ARHGAP20: variants seen among roughly 807,000 people sequenced by gnomAD.
ARHGAP20 encodes the protein Rho GTPase activating protein 20.
In ARHGAP20, 34 loss-of-function variants were observed where a neutral mutation model predicts 73.7. The ratio of observed to expected loss-of-function variants is 0.46; its 90% CI spans 0.35 to 0.61. The LOEUF is 0.61. Among genes scored for constraint, ARHGAP20 ranks in the 20% least tolerant of loss-of-function variants. The pLI is 0.00. For missense variants in ARHGAP20, 1,314 were observed against 1,420.9 expected (o/e 0.92, Z 1.21); for synonymous variants, 523 against 518.2 (o/e 1.01, Z -0.13).
chr11:110,688,448 T>C (rs1950179548), intron 2 of ARHGAP20, among the ~76,000 whole-genome samples: 1 of 152,140 alleles, frequency 6.6e-6, no homozygotes, highest in South Asian at 2.1e-4. Flanking sequence ...CTTAGTACAC[T>C]TCATACTCAC....
At chr11:110,589,397 T>A in intron 11 of ARHGAP20, 1 of 984,752 alleles carries the variant, frequency 1.0e-6, no homozygotes, top group Non-Finnish European at 1.2e-6. Context: ...GTATATAAAG[T>A]CATGAAGTAA....
chr11:110,590,619 G>A (rs776029510), intron 11 of ARHGAP20, 29 bp downstream of exon 11: 2 of 1,598,156 alleles, frequency 1.3e-6, no homozygotes, highest in African/African-American at 2.7e-5. Flanking sequence ...GCTACACCAT[G>A]GGGTGGATAA....
chr11:110,593,551 T>TTACAGCTTTTAG (rs1409900288), intron 9 of ARHGAP20, among the ~76,000 whole-genome samples: 5 of 152,182 alleles, frequency 3.3e-5, no homozygotes, highest in Non-Finnish European at 7.3e-5. Context: ...TGGGTGAGTT[T>TTACAGCTTTTAG]TCTAATCTTA....
rs376005160 is a variant in ARHGAP20, at chr11:110,614,641, T to G, written c.550A>C (p.Ile184Leu). The stretch of plus-strand genomic sequence containing the variant: ...TAGTCCTTTTCTTTCTCTAGATTGA[T>G]GTATCTAATCAAATGCAACAGCAAC... ...DKWLSLLQRY[I>L]NLEKEKDYPK... The change falls in exon 6 of 15, where the codon ATC (isoleucine) becomes CTC (leucine). Residue 184 changes from isoleucine (I) to leucine (L), a missense_variant. By Grantham distance (5) the Ile-to-Leu change is conservative. Transcript: ENST00000683387. 13 of 1,609,170 alleles carry G rather than the reference T, an allele frequency of 8.1e-6. No individual in the cohort carries two copies. Among genetic ancestry groups the G allele is most frequent in the Non-Finnish European group, 1.1e-5 (13 of 1,177,892 alleles).
At chr11:110,653,190 A>G (rs899620352) in intron 2 of ARHGAP20, among the ~76,000 whole-genome samples, 4 of 152,238 alleles carry the variant, frequency 2.6e-5, no homozygotes, top group Non-Finnish European at 5.9e-5. Flanking sequence ...AAATGTCAAA[A>G]GCAATTGCAA....
In ARHGAP20 at chr11:110,580,248, T is replaced by A. The variant is rs760436893; in HGVS notation, c.2698A>T (p.Asn900Tyr). ...TCAATCCCCATGACTAAACTCTGATTAATGAGCTTCTGCCCCTCCATTTGC... is the reference window on the plus strand; with the variant it reads ...TCAATCCCCATGACTAAACTCTGATAAATGAGCTTCTGCCCCTCCATTTGC... ...SLQMEGQKLI[N>Y]QSLVMGIEVG... Residue 900 changes from asparagine (N) to tyrosine (Y), a missense_variant, in exon 15 of 15, where the codon AAT becomes TAT. Physicochemically the swap from Asn to Tyr is moderately radical, Grantham distance 143 (BLOSUM62 -2). This residue lies in a region of ARHGAP20 where 641 missense variants were observed against 636.9 expected (regional missense o/e 1.01). Transcript: ENST00000683387. 6.2e-7 allele frequency: 1 copy of A among 1,614,238 alleles called. No homozygotes were observed. The highest frequency in any genetic ancestry group is 1.7e-5 in the Admixed American group (1 of 60,032).
At chr11:110,597,565 T>C (rs7943983) in intron 9 of ARHGAP20, among the ~76,000 whole-genome samples, 4,879 of 152,280 alleles carry the variant, frequency 0.032, 270 homozygotes, top group African/African-American at 0.11. Flanking sequence ...CCCAAAGTGC[T>C]GGGATTACAG....
At chr11:110,585,063 GTGAACATATATGAATACA>G (rs1947618199) in intron 12 of ARHGAP20, among the ~76,000 whole-genome samples, 3 of 149,530 alleles carry the variant, frequency 2.0e-5, no homozygotes, top group Admixed American at 1.3e-4. Context: ...ATGAATATAT[GTGAACATATATGAATACA>G]TGAATATATG....
chr11:110,682,733 T>A (rs977682984), intron 2 of ARHGAP20, among the ~76,000 whole-genome samples: 3 of 152,172 alleles, frequency 2.0e-5, no homozygotes, highest in African/African-American at 7.2e-5. Flanking sequence ...CATTATATAA[T>A]GGAAGGGAAG....
Position 110,706,825 on chromosome 11 carries a change from C to G in ARHGAP20, c.105+5302G>C, listed in dbSNP as rs552444851. On this transcript the variant is annotated intron_variant, in intron 1 of 14. Transcript: ENST00000683387. ...TTATTTTTATAATTCTAGGACCCTC[C>G]CTGCCAACACAATCTCACGTATCTG... Among the ~76,000 whole-genome samples, 19 of 152,204 alleles carry G rather than the reference C, an allele frequency of 1.2e-4. No homozygotes were observed. The East Asian group carries it at 3.7e-3, about 29-fold the overall frequency.
intron 11 of ARHGAP20, among the ~76,000 whole-genome samples, chr11:110,589,126 A>G (rs1947753462): frequency 6.6e-6 from 1 of 152,212 alleles, no homozygotes; most frequent in South Asian, 2.1e-4. Flanking sequence ...TAAGAGATAT[A>G]TATAAAAAAG....
Position 110,706,324 on chromosome 11 carries a change from G to A in ARHGAP20, c.105+5803C>T, listed in dbSNP as rs190148882. Among the ~76,000 whole-genome samples the A allele has an allele frequency of 7.0e-4, 107 of 152,104 alleles. 2 individuals carry two copies. Among genetic ancestry groups the A allele is most frequent in the Non-Finnish European group, 1.2e-3 (84 of 67,962 alleles). Reference sequence around the variant, plus strand: ...CTACACTGAAGCCTTGATATGGTTCGGTTCCTTCTTTAGGAAAAAATTAAC... The same window carrying A: ...CTACACTGAAGCCTTGATATGGTTCAGTTCCTTCTTTAGGAAAAAATTAAC... On this transcript the variant is annotated intron_variant, in intron 1 of 14. Coordinates refer to ENST00000683387, the MANE Select transcript of ARHGAP20 (RefSeq NM_001384657.1).
chr11:110,645,206 C>T (rs949198531), intron 2 of ARHGAP20, among the ~76,000 whole-genome samples: 2 of 152,020 alleles, frequency 1.3e-5, no homozygotes, highest in Non-Finnish European at 2.9e-5. Flanking sequence ...GACGGGGTTT[C>T]ACCATGTTGG....
intron 2 of ARHGAP20, among the ~76,000 whole-genome samples, chr11:110,660,309 G>A (rs1383644901): frequency 6.6e-6 from 1 of 152,118 alleles, no homozygotes; most frequent in African/African-American, 2.4e-5. Flanking sequence ...TCACAGAGTG[G>A]TGTACCTTCC....
At chr11:110,664,651 C>T (rs1949683793) in intron 2 of ARHGAP20, among the ~76,000 whole-genome samples, 1 of 150,284 alleles carries the variant, frequency 6.7e-6, no homozygotes, top group Non-Finnish European at 1.5e-5. Context: ...TGGCGTGAAC[C>T]CGGGAGGCGG....
chr11:110,610,155 A>T (rs1236138964), intron 7 of ARHGAP20, among the ~76,000 whole-genome samples: 1 of 152,144 alleles, frequency 6.6e-6, no homozygotes, highest in Non-Finnish European at 1.5e-5. Context: ...ATAGCTTAGA[A>T]ATTAATGGAG....
chr11:110,630,832 T>A (rs553580436), intron 2 of ARHGAP20, 40 bp from the exon 3 acceptor site: 2 of 1,579,322 alleles, frequency 1.3e-6, no homozygotes, highest in African/African-American at 1.4e-5. Context: ...CAAACGATCA[T>A]CTTATAGTTG....
intron 1 of ARHGAP20, among the ~76,000 whole-genome samples, chr11:110,700,182 T>C (rs556376502): frequency 1.4e-4 from 21 of 151,950 alleles, no homozygotes; most frequent in Non-Finnish European, 2.9e-4. Context: ...AGATTAAAGT[T>C]GGAGGTGAAC....
chr11:110,706,893 GAGT>G (rs1950560548), intron 1 of ARHGAP20, among the ~76,000 whole-genome samples: 1 of 152,124 alleles, frequency 6.6e-6, no homozygotes, highest in African/African-American at 2.4e-5. Flanking sequence ...GATAAGAATT[GAGT>G]AGGATACTAG....
Sources: gnomAD v4.1 joint callset for allele counts (sites outside exome capture counted in the v4.1 genomes callset) on GRCh38, gnomAD v4.1.1 for gene constraint, gnomAD v4.1.1 regional missense constraint, MANE v1.5 for transcripts, NCBI Gene and HGNC (gene_info 2026-07-23, HGNC 2026-07-21) for gene names.